The following UGT8 variants were observed in gnomAD, a reference collection of about 807,000 sequenced individuals.
UGT8 encodes the protein UDP glycosyltransferase 8, also known as 2-hydroxyacylsphingosine 1-beta-galactosyltransferase.
In UGT8, 12 loss-of-function variants were observed where a neutral mutation model predicts 40.5. The observed-to-expected ratio is 0.30, with a 90% CI of 0.19 to 0.48. The LOEUF (loss-of-function observed/expected upper bound fraction) is 0.48, where lower values mean the gene tolerates loss of function less well. Among genes scored for constraint, UGT8 ranks in the 20% least tolerant of loss-of-function variants. The pLI is 0.99. For missense variants in UGT8, 513 were observed against 648.7 expected (o/e 0.79, Z 2.27); for synonymous variants, 224 against 240.4 (o/e 0.93, Z 0.63).
intron 2 of UGT8, among the ~76,000 whole-genome samples, chr4:114,651,341 A>G (rs973495841): frequency 6.6e-5 from 10 of 152,124 alleles, no homozygotes; most frequent in African/African-American, 9.6e-5. Flanking sequence ...TTTTTCCACA[A>G]TTGGGAATAC....
At chr4:114,634,774 T>TA (rs2126108578) in intron 2 of UGT8, among the ~76,000 whole-genome samples, 1 of 152,338 alleles carries the variant, frequency 6.6e-6, no homozygotes, top group Admixed American at 6.5e-5. Flanking sequence ...TACCTTTTTT[T>TA]ATCACTAAAT....
intron 1 of UGT8, among the ~76,000 whole-genome samples, chr4:114,608,307 A>G (rs754828796): frequency 3.9e-5 from 6 of 152,090 alleles, no homozygotes; most frequent in Non-Finnish European, 8.8e-5. Context: ...TTCTCCCTCT[A>G]AGGAGAGTAT....
At chr4:114,655,090 G>A (rs960699245) in intron 2 of UGT8, among the ~76,000 whole-genome samples, 4 of 142,540 alleles carry the variant, frequency 2.8e-5, no homozygotes, top group African/African-American at 1.0e-4. Context: ...AAAGTAATTT[G>A]CAGCTTATTA....
At chr4:114,607,438 A>G (rs1275867488) in intron 1 of UGT8, among the ~76,000 whole-genome samples, 1 of 151,880 alleles carries the variant, frequency 6.6e-6, no homozygotes, top group Admixed American at 6.6e-5. Flanking sequence ...CTCATCTGTA[A>G]TGGTAACTCC....
Position 114,665,775 on chromosome 4 carries a change from G to C in UGT8, c.1042+19G>C. 1.3e-6 allele frequency: 2 copies of C among 1,579,256 alleles called. No homozygotes were observed. The highest frequency in any genetic ancestry group is 1.7e-6 in the Non-Finnish European group (2 of 1,165,068). ...CTGCTTGGTAAGTCAATGATGTGTG[G>C]TTACTTACTTGGCTGTTAGGTTTTA... is the stretch of plus-strand genomic sequence containing the variant. On this transcript the variant is annotated intron_variant, in intron 4 of 5. Coordinates refer to ENST00000310836, the MANE Select transcript of UGT8 (RefSeq NM_001128174.3).
chr4:114,676,102 G>C lies in UGT8; in HGVS notation c.1440G>C (p.Val480=). ...CQYFLLDIAF[V]LLLGAALLYF... Reference sequence around the variant, plus strand: ...ATTTTTTACTGGATATTGCCTTTGTGCTTTTGCTTGGTGCTGCCTTGTTAT... The same window carrying C: ...ATTTTTTACTGGATATTGCCTTTGTCCTTTTGCTTGGTGCTGCCTTGTTAT... Residue 480 remains valine, a synonymous_variant, in exon 6 of 6, where the codon GTG becomes GTC. Coordinates refer to ENST00000310836, the MANE Select transcript of UGT8 (RefSeq NM_001128174.3). 6.2e-7 allele frequency: 1 copy of C among 1,614,180 alleles called. No individual in the cohort carries two copies. The highest frequency in any genetic ancestry group is 1.3e-5 in the African/African-American group (1 of 75,042).
At chr4:114,668,719 T>C (rs1315682479) in intron 5 of UGT8, among the ~76,000 whole-genome samples, 1 of 152,232 alleles carries the variant, frequency 6.6e-6, no homozygotes, top group Non-Finnish European at 1.5e-5. Flanking sequence ...GTAGTTGAAA[T>C]TAGAAGCCAG....
chr4:114,644,154 A>G (rs1387103764), intron 2 of UGT8, among the ~76,000 whole-genome samples: 1 of 152,140 alleles, frequency 6.6e-6, no homozygotes, highest in Non-Finnish European at 1.5e-5. Context: ...GTAAATGATG[A>G]TAAACACAGC....
chr4:114,601,941 A>G (rs1020164730), intron 1 of UGT8, among the ~76,000 whole-genome samples: 7 of 151,922 alleles, frequency 4.6e-5, no homozygotes, highest in Non-Finnish European at 8.8e-5. Context: ...TTTCCATCAA[A>G]TGATGTGGGC....
chr4:114,672,003 G>A (rs1003266258), intron 5 of UGT8, among the ~76,000 whole-genome samples: 1 of 152,136 alleles, frequency 6.6e-6, no homozygotes, highest in Admixed American at 6.5e-5. Flanking sequence ...TCAAAAAATG[G>A]GCAAAGGATA....
In UGT8 at chr4:114,656,773, G is replaced by A. The variant is rs375298731; in HGVS notation, c.823-7222G>A. On this transcript the variant is annotated intron_variant, in intron 2 of 5. Coordinates refer to ENST00000310836, the MANE Select transcript of UGT8 (RefSeq NM_001128174.3). ...CAGGCTGTATTTGGGGGAGTGAAGA[G>A]TAGATAAAATATTGGTACCTGATGA... 1.1e-5 allele frequency: 6 copies of A among 523,168 alleles called. No homozygotes were observed. In the African/African-American group the frequency reaches 1.2e-4, roughly 10 times the overall value. 32.4% of individuals were successfully genotyped at this position (523,168 alleles called of 1,614,324 possible). A position where few individuals can be genotyped will look rare whatever the true frequency, so the allele number is the denominator to read the frequency against.
chr4:114,675,197 G>T (rs1735547619), intron 5 of UGT8, among the ~76,000 whole-genome samples: 1 of 152,104 alleles, frequency 6.6e-6, no homozygotes, highest in Admixed American at 6.5e-5. Flanking sequence ...GTGATAGAAT[G>T]AAGTTCTGTA....
intron 3 of UGT8, 128 bp from the exon 4 acceptor site, chr4:114,665,552 T>C: frequency 1.6e-6 from 2 of 1,281,384 alleles, no homozygotes; most frequent in Non-Finnish European, 2.1e-6. Flanking sequence ...CAAAGCATGG[T>C]TTCATTCTTA....
At chr4:114,636,355 C>G (rs1732886406) in intron 2 of UGT8, among the ~76,000 whole-genome samples, 2 of 152,178 alleles carry the variant, frequency 1.3e-5, no homozygotes, top group African/African-American at 4.8e-5. Context: ...CCAGCTGAAG[C>G]CTTACACAGC....
At chr4:114,610,033 C>T (rs1249379071) in intron 1 of UGT8, among the ~76,000 whole-genome samples, 2 of 152,162 alleles carry the variant, frequency 1.3e-5, no homozygotes, top group African/African-American at 2.4e-5. Context: ...TTAATAAAGT[C>T]ATGACCAAGG....
At chr4:114,634,976 C>A (rs749579118) in intron 2 of UGT8, among the ~76,000 whole-genome samples, 1 of 150,558 alleles carries the variant, frequency 6.6e-6, no homozygotes, top group Admixed American at 6.6e-5. Context: ...AGAGGATGGA[C>A]AAGTGAGAGG....
intron 2 of UGT8, among the ~76,000 whole-genome samples, chr4:114,635,562 A>G (rs1732838704): frequency 6.6e-6 from 1 of 152,214 alleles, no homozygotes; most frequent in African/African-American, 2.4e-5. Context: ...TTTGTGATAG[A>G]GAATTTGTGG....
chr4:114,614,263 GTTCT>G (rs1731261217), intron 1 of UGT8, among the ~76,000 whole-genome samples: 1 of 152,116 alleles, frequency 6.6e-6, no homozygotes, highest in African/African-American at 2.4e-5. Context: ...TCAAGAAGAG[GTTCT>G]TTTGTATTTC....
At chr4:114,608,415 T>G (rs563813206) in intron 1 of UGT8, among the ~76,000 whole-genome samples, 5 of 152,316 alleles carry the variant, frequency 3.3e-5, no homozygotes, top group African/African-American at 1.2e-4. Flanking sequence ...ATGGTATCTT[T>G]AGTTTGTCAT....
Sources: gnomAD v4.1 joint callset for allele counts (sites outside exome capture counted in the v4.1 genomes callset) on GRCh38, gnomAD v4.1.1 for gene constraint, MANE v1.5 for transcripts, NCBI Gene and HGNC (gene_info 2026-07-23, HGNC 2026-07-21) for gene names.